ZC3H6: variants seen among roughly 807,000 people sequenced by gnomAD.
The protein encoded by ZC3H6 is zinc finger CCCH domain-containing protein 6.
A neutral mutation model predicts 107.7 loss-of-function variants in ZC3H6; 40 were observed. The observed-to-expected ratio is 0.37, with a 90% CI of 0.29 to 0.48. ZC3H6 has a LOEUF of 0.48. Among genes scored for constraint, ZC3H6 ranks in the 20% least tolerant of loss-of-function variants. The probability of loss-of-function intolerance (pLI) is 0.98; values close to 1 mark genes in which losing one functional copy is unlikely to be tolerated. For missense variants in ZC3H6, 1,267 were observed against 1,410.4 expected (o/e 0.90, Z 1.63); for synonymous variants, 493 against 487.9 (o/e 1.01, Z -0.14).
chr2:112,324,318 C>T lies in ZC3H6; in HGVS notation c.1507C>T (p.Pro503Ser). The change falls in exon 10 of 12, where the codon CCA becomes TCA. Residue 503 changes from proline to serine, a missense_variant. Physicochemically the swap from Pro to Ser is moderately conservative, Grantham distance 74. Transcript: ENST00000409871. ...GCACCCAGGCTCCCCTGGACATCAC[C>T]CATGTGCAGGACCTCCTGGTCTACC... ...VMHPGSPGHH[P>S]CAGPPGLPVP... is the part of the protein sequence containing the mutation. 1.2e-6 allele frequency: 2 copies of T among 1,613,928 alleles called. No individual in the cohort carries two copies. Among genetic ancestry groups the T allele is most frequent in the African/African-American group, 1.3e-5 (1 of 75,036 alleles).
At chr2:112,308,674 C>T (rs1385219086) in intron 3 of ZC3H6, among the ~76,000 whole-genome samples, 1 of 149,950 alleles carries the variant, frequency 6.7e-6, no homozygotes, top group Non-Finnish European at 1.5e-5. Context: ...TCAAGTGATC[C>T]ACCTGCCTCA....
chr2:112,312,716 C>T (rs185221526), intron 5 of ZC3H6, among the ~76,000 whole-genome samples: 57 of 152,144 alleles, frequency 3.7e-4, no homozygotes, highest in African/African-American at 1.3e-3. Flanking sequence ...AAGAATTTGT[C>T]GGATGTGGTG....
chr2:112,334,426 G>A lies in ZC3H6; in HGVS notation c.*1938G>A, dbSNP rs1677103337. ...AGCATCATACAAAAAAGATAATTTGGCTTGCTAAACATCAAAATAGAATCC... is the reference window on the plus strand; with the variant it reads ...AGCATCATACAAAAAAGATAATTTGACTTGCTAAACATCAAAATAGAATCC... On this transcript the variant is annotated 3_prime_UTR_variant, in exon 12 of 12. Transcript: ENST00000409871. The A allele has an allele frequency of 6.6e-6, 1 of 152,106 alleles. No homozygotes were observed. The highest frequency in any genetic ancestry group is 6.5e-5 in the Admixed American group (1 of 15,282). 9.4% of individuals were successfully genotyped at this position (152,106 alleles called of 1,614,324 possible). A position where few individuals can be genotyped will look rare whatever the true frequency, so the allele number is the denominator to read the frequency against.
intron 5 of ZC3H6, among the ~76,000 whole-genome samples, chr2:112,315,155 C>G (rs1676674238): frequency 6.6e-6 from 1 of 152,074 alleles, no homozygotes; most frequent in Admixed American, 6.6e-5. Context: ...ACAGTGCATG[C>G]CAGGTGCATG....
rs183992382 is a variant in ZC3H6, at chr2:112,311,886, A to C, written c.696A>C (p.Gly232=). 37 of 1,613,522 alleles carry C rather than the reference A, an allele frequency of 2.3e-5. No individual in the cohort carries two copies. Among genetic ancestry groups the C allele is most frequent in the Middle Eastern group, 1.7e-4 (1 of 6,058 alleles). Residue 232 remains glycine (G), a synonymous_variant, in exon 5 of 12, where the codon GGA becomes GGC. Transcript: ENST00000409871. The part of the protein sequence containing the change: ...PKKIKRKERG[G]RTNKGPNVFS... Reference sequence around the variant, plus strand: ...AAATCAAACGAAAAGAACGTGGGGGAAGAACCAATAAAGGGCCTAATGTGT... The same window carrying C: ...AAATCAAACGAAAAGAACGTGGGGGCAGAACCAATAAAGGGCCTAATGTGT...
At chr2:112,322,076 T>C (rs1366477045) in intron 8 of ZC3H6, among the ~76,000 whole-genome samples, 1 of 151,916 alleles carries the variant, frequency 6.6e-6, no homozygotes, top group Non-Finnish European at 1.5e-5. Context: ...ATTTCAACTT[T>C]TTTTTTTCTT....
chr2:112,295,456 TAG>T (rs1440061690), intron 1 of ZC3H6, among the ~76,000 whole-genome samples: 3 of 152,194 alleles, frequency 2.0e-5, no homozygotes, highest in African/African-American at 7.2e-5. Flanking sequence ...CCAAGATCAC[TAG>T]GTTAGTATCT....
chr2:112,331,205 A>G lies in ZC3H6; in HGVS notation c.2287A>G (p.Ile763Val), dbSNP rs1045169389. 6.2e-7 allele frequency: 1 copy of G among 1,613,352 alleles called. No homozygotes were observed. The highest frequency in any genetic ancestry group is 8.5e-7 in the Non-Finnish European group (1 of 1,179,746). ...AGTGGTTGACCCTAGGCTTAGGACT[A>G]TCCCAAGGCAAGACATTAGAAAGCC... The part of the protein sequence containing the change: ...NQVVDPRLRT[I>V]PRQDIRKPSE... The change falls in exon 12 of 12, where the codon ATC (isoleucine) becomes GTC (valine). Residue 763 changes from isoleucine (I) to valine (V), a missense_variant. Ile to Val is a conservative substitution (Grantham distance 29). This residue lies in a region of ZC3H6 where 925 missense variants were observed against 1,025.7 expected (regional missense o/e 0.90). Transcript: ENST00000409871.
At chr2:112,305,530 T>C (rs1676458868) in intron 3 of ZC3H6, among the ~76,000 whole-genome samples, 1 of 152,238 alleles carries the variant, frequency 6.6e-6, no homozygotes, top group African/African-American at 2.4e-5. Context: ...CATACTGTTT[T>C]ATTTTTGCTT....
chr2:112,277,321 G>A (rs1220230648), intron 1 of ZC3H6, among the ~76,000 whole-genome samples: 3 of 151,962 alleles, frequency 2.0e-5, no homozygotes, highest in Non-Finnish European at 2.9e-5. Flanking sequence ...CTTAGAATGG[G>A]TTGACTAATA....
chr2:112,310,351 A>G (rs895765258), intron 4 of ZC3H6, among the ~76,000 whole-genome samples, 190 bp downstream of exon 4: 6 of 152,232 alleles, frequency 3.9e-5, no homozygotes, highest in African/African-American at 1.2e-4. Context: ...TGATACATGA[A>G]TATTTCAGTT....
At chr2:112,306,239 C>T (rs2104709687) in intron 3 of ZC3H6, among the ~76,000 whole-genome samples, 1 of 144,856 alleles carries the variant, frequency 6.9e-6, no homozygotes, top group South Asian at 2.2e-4. Flanking sequence ...GTGGCGTGAT[C>T]TTGGCTCACT....
chr2:112,334,144 TAAA>T lies in ZC3H6; in HGVS notation c.*1660_*1662del, dbSNP rs1233032553. ...ATGGCTCTGGATAACATTTTTGGGT[TAAA>T]AAATGTAATTTAAAGCCACCATAGA... On this transcript the variant is annotated 3_prime_UTR_variant, in exon 12 of 12. Transcript: ENST00000409871. 1 of 152,114 alleles carries T rather than the reference TAAA, an allele frequency of 6.6e-6. No individual in the cohort carries two copies. Among genetic ancestry groups the T allele is most frequent in the East Asian group, 1.9e-4 (1 of 5,204 alleles). 9.4% of individuals were successfully genotyped at this position (152,114 alleles called of 1,614,324 possible).
chr2:112,306,309 A>C (rs2104709722), intron 3 of ZC3H6, among the ~76,000 whole-genome samples: 1 of 151,792 alleles, frequency 6.6e-6, no homozygotes, highest in East Asian at 1.9e-4. Context: ...AGTAGCTGGG[A>C]CTACAGGCAT....
chr2:112,290,326 T>G (rs1485265273), intron 1 of ZC3H6, among the ~76,000 whole-genome samples: 4 of 152,254 alleles, frequency 2.6e-5, no homozygotes, highest in African/African-American at 9.6e-5. Context: ...TCCTATTCCT[T>G]TGTTTGCAGA....
At chr2:112,327,394 T>C (rs567385950) in intron 11 of ZC3H6, among the ~76,000 whole-genome samples, 1 of 152,352 alleles carries the variant, frequency 6.6e-6, no homozygotes, top group African/African-American at 2.4e-5. Flanking sequence ...TAGAGTTGTT[T>C]GAGCTCCTTA....
intron 2 of ZC3H6, among the ~76,000 whole-genome samples, chr2:112,302,187 G>A (rs1215671658): frequency 6.6e-6 from 1 of 151,990 alleles, no homozygotes; most frequent in African/African-American, 2.4e-5. Flanking sequence ...GAGCAAACAT[G>A]GCTTTTAAAT....
intron 1 of ZC3H6, among the ~76,000 whole-genome samples, chr2:112,285,031 TATG>T (rs1468531513): frequency 2.0e-5 from 3 of 152,188 alleles, no homozygotes; most frequent in Non-Finnish European, 1.5e-5. Context: ...CAATTGAAAT[TATG>T]ATATAAAATT....
At chr2:112,297,175 G>A (rs1033920900) in intron 1 of ZC3H6, among the ~76,000 whole-genome samples, 1 of 152,100 alleles carries the variant, frequency 6.6e-6, no homozygotes, top group Non-Finnish European at 1.5e-5. Context: ...ATGAATCCTC[G>A]TATACACATC....
Sources: gnomAD v4.1 joint callset for allele counts (sites outside exome capture counted in the v4.1 genomes callset) on GRCh38, gnomAD v4.1.1 for gene constraint, gnomAD v4.1.1 regional missense constraint, MANE v1.5 for transcripts, NCBI Gene and HGNC (gene_info 2026-07-23, HGNC 2026-07-21) for gene names.